EBF2: variants seen among roughly 807,000 people sequenced by gnomAD.
EBF2 encodes transcription factor COE2.
A neutral mutation model predicts 72.8 loss-of-function variants in EBF2; 21 were observed. The ratio of observed to expected loss-of-function variants is 0.29; its 90% confidence interval spans 0.20 to 0.42. The LOEUF (loss-of-function observed/expected upper bound fraction) is 0.42, where lower values mean the gene tolerates loss of function less well. Ranked by LOEUF, EBF2 falls within the 10% of genes least tolerant of loss-of-function variation. The pLI is 1.00. For missense variants in EBF2, 637 were observed against 731.2 expected (o/e 0.87, Z 1.49); for synonymous variants, 299 against 274.2 (o/e 1.09, Z -0.89).
intron 6 of EBF2, among the ~76,000 whole-genome samples, chr8:25,979,664 T>A (rs1203234266): frequency 6.6e-6 from 1 of 152,230 alleles, no homozygotes; most frequent in East Asian, 1.9e-4. Flanking sequence ...GTACAATTTT[T>A]TTTTTAAACA....
rs1337227648 is a variant in EBF2 at position 26,000,847 on chromosome 8, T to C, written c.551+32238A>G. Among the ~76,000 whole-genome samples, 5 of 152,270 alleles carry C rather than the reference T, an allele frequency of 3.3e-5. No homozygotes were observed. In the East Asian group the frequency reaches 9.6e-4, roughly 29 times the overall value. On this transcript the variant is annotated intron_variant, in intron 6 of 15. Transcript: ENST00000520164. ...AACAGGCACAACATAACCGTAAAAA[T>C]GCCAGCCGAAGAGCTAACCCAATAA...
intron 6 of EBF2, among the ~76,000 whole-genome samples, chr8:25,958,472 CTCT>C (rs1463173361): frequency 6.6e-6 from 1 of 152,060 alleles, no homozygotes; most frequent in Non-Finnish European, 1.5e-5. Flanking sequence ...TTCCTTCTCT[CTCT>C]TTTTTTGGCC....
chr8:25,945,852 C>T (rs935440670), intron 6 of EBF2, among the ~76,000 whole-genome samples: 14 of 151,948 alleles, frequency 9.2e-5, no homozygotes, highest in African/African-American at 2.7e-4. Context: ...GCACTCAGGA[C>T]TCCTAAACCT....
rs542515487 is a variant in EBF2, at chr8:26,042,014, C to T, written c.288+81G>A. The T allele has an allele frequency of 3.2e-6, 5 of 1,545,820 alleles. No individual in the cohort carries two copies. In the African/African-American group the frequency reaches 6.8e-5, roughly 21 times the overall value. On this transcript the variant is annotated intron_variant, in intron 2 of 15. Transcript: ENST00000520164. ...TGATGGTGAGAGTGGAAAAGTGTCG[C>T]GAGAGTGACAGATGGAATCTTTAGT...
chr8:25,924,973 C>T (rs1211364548), intron 6 of EBF2, among the ~76,000 whole-genome samples: 1 of 152,154 alleles, frequency 6.6e-6, no homozygotes. Context: ...AGGACTGAGC[C>T]TTTTCCCAGA....
In EBF2 at chr8:25,891,709, C is replaced by G. The variant is rs137947027; in HGVS notation, c.634-1840G>C. ...TCTCCTGCCTCAGCTTCCCAAGTAG[C>G]TGGGATTACAGATGCCTGCCACCAT... On this transcript the variant is annotated intron_variant, in intron 7 of 15. Coordinates refer to ENST00000520164, the MANE Select transcript of EBF2 (RefSeq NM_022659.4). Among the ~76,000 whole-genome samples the G allele has an allele frequency of 7.0e-3, 1,064 of 152,126 alleles. 58 individuals carry two copies. In the East Asian group the frequency reaches 0.1, roughly 15 times the overall value.
intron 10 of EBF2, among the ~76,000 whole-genome samples, chr8:25,866,538 ATAT>A (rs897223756): frequency 4.9e-5 from 7 of 142,164 alleles, no homozygotes; most frequent in African/African-American, 1.3e-4. Context: ...TATATAATAT[ATAT>A]TATATGTAAT....
At chr8:25,941,143 G>A (rs560047102) in intron 6 of EBF2, among the ~76,000 whole-genome samples, 2 of 152,002 alleles carry the variant, frequency 1.3e-5, no homozygotes, top group African/African-American at 4.8e-5. Context: ...CAGCAGTAGT[G>A]GCTACTCCTC....
At chr8:25,938,444 A>G (rs980696992) in intron 6 of EBF2, among the ~76,000 whole-genome samples, 3 of 151,862 alleles carry the variant, frequency 2.0e-5, no homozygotes, top group African/African-American at 7.3e-5. Flanking sequence ...CAGCTGTTAA[A>G]ATTCTTCCTT....
At chr8:25,908,156 G>A (rs1359275816) in intron 7 of EBF2, among the ~76,000 whole-genome samples, 1 of 152,182 alleles carries the variant, frequency 6.6e-6, no homozygotes, top group African/African-American at 2.4e-5. Flanking sequence ...TCCCAAGGTG[G>A]CTGAATATCA....
chr8:25,903,468 G>A (rs1401467436), intron 7 of EBF2, among the ~76,000 whole-genome samples: 1 of 152,178 alleles, frequency 6.6e-6, no homozygotes, highest in Non-Finnish European at 1.5e-5. Flanking sequence ...GGCCCAGGCG[G>A]GTGGATCACG....
chr8:25,858,428 A>G lies in EBF2; in HGVS notation c.1419T>C (p.Ser473=). 1 of 1,614,118 alleles carries G rather than the reference A, an allele frequency of 6.2e-7. No homozygotes were observed. The highest frequency in any genetic ancestry group is 8.5e-7 in the Non-Finnish European group (1 of 1,180,010). The part of the protein sequence containing the change: ...SSSTPQQSNY[S]TSSNSMNGYS... ...AGCCATTCATACTGTTGCTGGAGGT[A>G]CTGTAATTAGACTGTTGAGGCGTGG... The change falls in exon 14 of 16, where the codon AGT becomes AGC. Residue 473 remains serine (S), a synonymous_variant. Transcript: ENST00000520164.
At chr8:26,041,167 C>T (rs918144834) in intron 2 of EBF2, 165 bp from the exon 3 acceptor site, 1 of 736,190 alleles carries the variant, frequency 1.4e-6, no homozygotes, top group Non-Finnish European at 2.2e-6. Flanking sequence ...TCTGCCTGTC[C>T]TTGGCCGCCC....
chr8:25,865,861 T>C (rs1432275735), intron 10 of EBF2, among the ~76,000 whole-genome samples: 3 of 151,756 alleles, frequency 2.0e-5, no homozygotes, highest in African/African-American at 7.2e-5. Flanking sequence ...CCATCTCTAC[T>C]GAAAATACAA....
rs1434749610 is a variant in EBF2 at position 25,841,760 on chromosome 8, A to C, written c.*2849T>G. On this transcript the variant is annotated 3_prime_UTR_variant, in exon 16 of 16. Coordinates refer to ENST00000520164, the MANE Select transcript of EBF2 (RefSeq NM_022659.4). ...ACAAAAATTTTATTTTTTTGTTAGGATAATTTAAAGTTTAAAACTGAAGTA... is the reference window on the plus strand; with the variant it reads ...ACAAAAATTTTATTTTTTTGTTAGGCTAATTTAAAGTTTAAAACTGAAGTA... The C allele has an allele frequency of 6.6e-6, 1 of 152,186 alleles. No homozygotes were observed. Among genetic ancestry groups the C allele is most frequent in the Non-Finnish European group, 1.5e-5 (1 of 68,026 alleles). 9.4% of individuals were successfully genotyped at this position (152,186 alleles called of 1,614,324 possible).
intron 6 of EBF2, among the ~76,000 whole-genome samples, chr8:26,018,209 T>C (rs1805144642): frequency 1.3e-5 from 2 of 151,306 alleles, no homozygotes. Context: ...ACGCTGTCAG[T>C]TGGCTTCCCT....
intron 8 of EBF2, among the ~76,000 whole-genome samples, chr8:25,888,583 A>T (rs1267627308): frequency 2.0e-5 from 3 of 152,174 alleles, no homozygotes; most frequent in African/African-American, 7.2e-5. Context: ...AGAGAGAGAG[A>T]GGGGGAGAAA....
chr8:25,929,240 C>T (rs550070461), intron 6 of EBF2, among the ~76,000 whole-genome samples: 1 of 152,150 alleles, frequency 6.6e-6, no homozygotes, highest in African/African-American at 2.4e-5. Context: ...GGTTAAGGAA[C>T]TTTCACAAGG....
chr8:26,019,724 T>A (rs1043564218), intron 6 of EBF2, among the ~76,000 whole-genome samples: 1 of 152,162 alleles, frequency 6.6e-6, no homozygotes, highest in East Asian at 1.9e-4. Flanking sequence ...GGTCTCTGGG[T>A]GCTTGGTTTC....
Sources: gnomAD v4.1 joint callset for allele counts (sites outside exome capture counted in the v4.1 genomes callset) on GRCh38, gnomAD v4.1.1 for gene constraint, MANE v1.5 for transcripts, NCBI Gene and HGNC (gene_info 2026-07-23, HGNC 2026-07-21) for gene names.